GRID1: variants seen among roughly 807,000 people sequenced by gnomAD.
The protein encoded by GRID1 is glutamate receptor ionotropic, delta-1.
In GRID1, 28 loss-of-function variants were observed where a neutral mutation model predicts 98.0. The observed-to-expected ratio is 0.29, with a 90% CI of 0.21 to 0.39. The LOEUF (loss-of-function observed/expected upper bound fraction) is 0.39, where lower values mean the gene tolerates loss of function less well. Among genes scored for constraint, GRID1 ranks in the 10% least tolerant of loss-of-function variants. The pLI, the probability that GRID1 is intolerant of heterozygous loss-of-function variation, is 1.00. For missense variants in GRID1, 1,111 were observed against 1,340.5 expected, an observed-to-expected ratio of 0.83 and a Z score of 2.67; for synonymous variants, 553 against 538.5, an observed-to-expected ratio of 1.03 and a Z score of -0.37.
At chr10:85,827,382 A>G (rs1389825241) in intron 8 of GRID1, among the ~76,000 whole-genome samples, 1 of 151,594 alleles carries the variant, frequency 6.6e-6, no homozygotes, top group Non-Finnish European at 1.5e-5. Flanking sequence ...AGAATCTCAG[A>G]GCTCGAAAAA....
At chr10:85,804,719 A>G (rs1268325254) in intron 8 of GRID1, among the ~76,000 whole-genome samples, 2 of 151,952 alleles carry the variant, frequency 1.3e-5, no homozygotes, top group African/African-American at 4.8e-5. Flanking sequence ...TTAACAGAAT[A>G]AGGCAACAAA....
At chr10:85,948,226 A>G (rs1470702638) in intron 4 of GRID1, among the ~76,000 whole-genome samples, 1 of 152,258 alleles carries the variant, frequency 6.6e-6, no homozygotes, top group Non-Finnish European at 1.5e-5. Flanking sequence ...AAGGGGATAG[A>G]TAAGAACTCT....
At chr10:86,214,771 AG>A (rs1846152028) in intron 2 of GRID1, among the ~76,000 whole-genome samples, 1 of 152,232 alleles carries the variant, frequency 6.6e-6, no homozygotes, top group Non-Finnish European at 1.5e-5. Flanking sequence ...CGGAAGCCCA[AG>A]GTATGGGAAT....
In GRID1 at chr10:86,206,707, T is replaced by G. The variant is rs746253780; in HGVS notation, c.236-59A>C. On this transcript the variant is annotated intron_variant, in intron 2 of 15. Coordinates refer to ENST00000327946, the MANE Select transcript of GRID1 (RefSeq NM_017551.3). The surrounding 1 kb of genome is among the most constrained non-coding windows in gnomAD (Gnocchi z 4.1). ...GCATCAGGGCGATGCTGCACCAGCTTCAACCTGCAGGCCCCATGCCTGGCA... is the reference window on the plus strand; with the variant it reads ...GCATCAGGGCGATGCTGCACCAGCTGCAACCTGCAGGCCCCATGCCTGGCA... The G allele has an allele frequency of 3.3e-6, 5 of 1,498,094 alleles. No individual in the cohort carries two copies. The highest frequency in any genetic ancestry group is 4.6e-6 in the Non-Finnish European group (5 of 1,096,330). The allele number at this position is 1,498,094 out of a possible 1,614,324, so 92.8% of individuals were successfully genotyped here.
intron 10 of GRID1, among the ~76,000 whole-genome samples, chr10:85,724,947 C>T (rs920248080): frequency 5.9e-5 from 9 of 152,332 alleles, no homozygotes; most frequent in East Asian, 1.9e-4. Context: ...CATTTCTCTA[C>T]GAATTATAGT....
chr10:85,901,522 A>G lies in GRID1; in HGVS notation c.780+14664T>C, dbSNP rs143364730. Among the ~76,000 whole-genome samples, 308 of 152,334 alleles carry G rather than the reference A, an allele frequency of 2.0e-3. 8 individuals carry two copies. The South Asian group carries it at 0.045, about 22-fold the overall frequency. ...CTTGGCCTCCCAAAGAAGAAGAGCT[A>G]TCTTTTAAGCGTGCTTGCTGTCTGC... is the stretch of plus-strand genomic sequence containing the variant. On this transcript the variant is annotated intron_variant, in intron 5 of 15. Coordinates refer to ENST00000327946, the MANE Select transcript of GRID1 (RefSeq NM_017551.3).
intron 15 of GRID1, among the ~76,000 whole-genome samples, chr10:85,611,221 A>G (rs1447586217): frequency 6.6e-6 from 1 of 152,108 alleles, no homozygotes; most frequent in Admixed American, 6.5e-5. Context: ...TCTCTCACAC[A>G]CATAGACCAC....
intron 8 of GRID1, among the ~76,000 whole-genome samples, chr10:85,773,052 A>T (rs1268526845): frequency 6.6e-6 from 1 of 152,252 alleles, no homozygotes; most frequent in Non-Finnish European, 1.5e-5. Flanking sequence ...ATCCTTGATG[A>T]ACATTGATGC....
rs1383436015 is a variant in GRID1 at position 86,062,088 on chromosome 10, C to T, written c.726+76731G>A. 2.0e-5 allele frequency among the ~76,000 whole-genome samples: 3 copies of T among 152,272 alleles called. No individual in the cohort carries two copies. The East Asian group carries it at 5.8e-4, about 29-fold the overall frequency. On this transcript the variant is annotated intron_variant, in intron 4 of 15. Transcript: ENST00000327946. ...GAGCCCACCATCTGTTCTGTGCTTT[C>T]GCTTCTCCAACTGTGCAATGGGGAT...
At chr10:85,973,308 T>C (rs11201857) in intron 4 of GRID1, among the ~76,000 whole-genome samples, 9,964 of 152,250 alleles carry the variant, frequency 0.065, 1,052 homozygotes, top group African/African-American at 0.22. Flanking sequence ...TAAATATTTT[T>C]ACCACTTTAA....
In GRID1 at chr10:85,666,140, G is replaced by T. The variant is rs201975515; in HGVS notation, c.1998-18743C>A. Among the ~76,000 whole-genome samples, 14 of 152,338 alleles carry T rather than the reference G, an allele frequency of 9.2e-5. No homozygotes were observed. The East Asian group carries it at 1.5e-3, about 17-fold the overall frequency. On this transcript the variant is annotated intron_variant, in intron 12 of 15. Coordinates refer to ENST00000327946, the MANE Select transcript of GRID1 (RefSeq NM_017551.3). Reference sequence around the variant, plus strand: ...GGTCTGGAGGGAGCTAATATGAAATGAATATTTATTATGCACTAAATTTCC... The same window carrying T: ...GGTCTGGAGGGAGCTAATATGAAATTAATATTTATTATGCACTAAATTTCC...
At chr10:86,164,856 TG>T (rs1845375815) in intron 3 of GRID1, among the ~76,000 whole-genome samples, 3 of 152,050 alleles carry the variant, frequency 2.0e-5, no homozygotes, top group African/African-American at 7.2e-5. Flanking sequence ...TGGATGAAGC[TG>T]GGGGCACATC....
intron 5 of GRID1, among the ~76,000 whole-genome samples, chr10:85,906,717 T>G (rs758225244): frequency 1.3e-5 from 2 of 151,978 alleles, no homozygotes; most frequent in African/African-American, 4.8e-5. Flanking sequence ...GCACAACATA[T>G]CAAGATTTGT....
In GRID1 at chr10:86,292,010, C is replaced by A. The variant is rs111655004; in HGVS notation, c.235+71931G>T. Among the ~76,000 whole-genome samples the A allele has an allele frequency of 5.9e-5, 9 of 152,322 alleles. 1 individual carries two copies. Among genetic ancestry groups the A allele is most frequent in the African/African-American group, 2.2e-4 (9 of 41,584 alleles). On this transcript the variant is annotated intron_variant, in intron 2 of 15. Coordinates refer to ENST00000327946, the MANE Select transcript of GRID1 (RefSeq NM_017551.3). ...TATTCCTCTCCTTCACTGTCATCAT[C>A]ACCTGGAGTCTGGGGCTGCCAGCCC...
At chr10:86,180,138 G>A (rs1845634586) in intron 3 of GRID1, among the ~76,000 whole-genome samples, 1 of 152,150 alleles carries the variant, frequency 6.6e-6, no homozygotes, top group Non-Finnish European at 1.5e-5. Context: ...GTGGTGGAGA[G>A]GTGCAGGAGA....
chr10:86,058,454 C>G (rs930051955), intron 4 of GRID1, among the ~76,000 whole-genome samples: 4 of 152,218 alleles, frequency 2.6e-5, no homozygotes, highest in African/African-American at 9.6e-5. Context: ...GCCCACACTC[C>G]TGAGTCCCAG....
chr10:86,157,049 G>A (rs948922739), intron 3 of GRID1, among the ~76,000 whole-genome samples: 3 of 152,116 alleles, frequency 2.0e-5, no homozygotes, highest in African/African-American at 7.2e-5. Context: ...AGAAAAGGGA[G>A]GCTAGGATGG....
intron 5 of GRID1, among the ~76,000 whole-genome samples, chr10:85,896,162 C>T (rs913921919): frequency 6.6e-5 from 10 of 152,070 alleles, no homozygotes; most frequent in Admixed American, 5.2e-4. Flanking sequence ...TTTCATCTGT[C>T]GGATGAAGTT....
intron 4 of GRID1, among the ~76,000 whole-genome samples, chr10:86,023,788 T>A (rs1229998369): frequency 6.6e-6 from 1 of 152,182 alleles, no homozygotes; most frequent in Non-Finnish European, 1.5e-5. Flanking sequence ...ATTGGTCTCC[T>A]ACCTCTCTAA....
Sources: allele counts gnomAD v4.1 joint callset (sites outside exome capture counted in the v4.1 genomes callset), GRCh38; gene constraint gnomAD v4.1.1; non-coding constraint Gnocchi (gnomAD v3.1); transcripts MANE v1.5; gene names NCBI Gene and HGNC (gene_info 2026-07-23, HGNC 2026-07-21).